Variants in RNF152 observed in about 807,000 individuals in gnomAD.
RNF152 encodes the protein E3 ubiquitin-protein ligase RNF152.
A neutral mutation model predicts 12.7 loss-of-function variants in RNF152; 11 were observed. The observed-to-expected ratio is 0.86, with a 90% CI of 0.54 to 1.43. The LOEUF (loss-of-function observed/expected upper bound fraction) is 1.43. Among genes scored for constraint, RNF152 ranks in the 40% most tolerant of loss-of-function variants. RNF152 has a pLI of 0.00. For synonymous variants in RNF152, 113 were observed against 120.3 expected (o/e 0.94, Z 0.40); for missense variants, 255 against 274.8 (o/e 0.93, Z 0.51).
chr18:61,837,053 G>A (rs1285882139), intron 1 of RNF152, among the ~76,000 whole-genome samples: 2 of 152,138 alleles, frequency 1.3e-5, no homozygotes, highest in Non-Finnish European at 2.9e-5. Flanking sequence ...TAATGGAAGA[G>A]CTGACATCAT....
Position 61,816,251 on chromosome 18 carries a change from G to T in RNF152, c.213C>A (p.Asp71Glu). The T allele has an allele frequency of 6.2e-7, 1 of 1,614,230 alleles. No individual in the cohort carries two copies. The highest frequency in any genetic ancestry group is 1.1e-5 in the South Asian group (1 of 91,082). Residue 71 changes from aspartate (D) to glutamate (E), a missense_variant, in exon 2 of 2, where the codon GAC (aspartate) becomes GAA (glutamate). Transcript: ENST00000312828. Reference sequence around the variant, plus strand: ...CGATGACAGCCAGGACCTCCGGGTCGTCCGGGAGCTGCGACACGGAGAAGC... The same window carrying T: ...CGATGACAGCCAGGACCTCCGGGTCTTCCGGGAGCTGCGACACGGAGAAGC... ...PPGFSVSQLP[D>E]DPEVLAVIAI...
chr18:61,820,355 A>AG (rs1909339924), intron 1 of RNF152, among the ~76,000 whole-genome samples: 1 of 150,860 alleles, frequency 6.6e-6, no homozygotes, highest in African/African-American at 2.4e-5. Context: ...AAAAAAAAAA[A>AG]AAAAGAGTAG....
intron 1 of RNF152, among the ~76,000 whole-genome samples, chr18:61,844,077 G>GGAAAGAAAGAACGAAA (rs1555702294): frequency 1.5e-5 from 1 of 68,414 alleles, no homozygotes; most frequent in African/African-American, 5.0e-5. Flanking sequence ...CAGAAAGAAA[G>GGAAAGAAAGAACGAAA]GAAAGAAAGA....
rs542692277 is a variant in RNF152 at position 61,840,260 on chromosome 18, T to A, written c.-135-23662A>T. Among the ~76,000 whole-genome samples, 101 of 152,318 alleles carry A rather than the reference T, an allele frequency of 6.6e-4. 1 individual carries two copies. Among genetic ancestry groups the A allele is most frequent in the African/African-American group, 2.2e-3 (93 of 41,584 alleles). ...AGCCCCCAGAACTGTGAGAAATAAG[T>A]TTCTGTTGTTTATAAGCCACCCAGT... On this transcript the variant is annotated intron_variant, in intron 1 of 1. Transcript: ENST00000312828.
At chr18:61,884,504 G>T (rs75655734) in intron 1 of RNF152, among the ~76,000 whole-genome samples, 211 of 151,566 alleles carry the variant, frequency 1.4e-3, no homozygotes, top group African/African-American at 4.3e-3. Flanking sequence ...CAGGAAGCTA[G>T]AAGGCAGGGA....
In RNF152 at chr18:61,812,855, A is replaced by T. The variant is rs1908869608; in HGVS notation, c.*2997T>A. The stretch of plus-strand genomic sequence containing the variant: ...CTAACTAAAATGAGTACATAAACCT[A>T]CAAAAAAAATTCTTTAAAGCAATAG... On this transcript the variant is annotated 3_prime_UTR_variant, in exon 2 of 2. Coordinates refer to ENST00000312828, the MANE Select transcript of RNF152 (RefSeq NM_173557.3). 7.1e-6 allele frequency: 1 copy of T among 141,170 alleles called. No homozygotes were observed. The highest frequency in any genetic ancestry group is 2.7e-5 in the African/African-American group (1 of 36,894). 8.7% of individuals were successfully genotyped at this position (141,170 alleles called of 1,614,324 possible). A position where few individuals can be genotyped will look rare whatever the true frequency, so the allele number is the denominator to read the frequency against.
intron 1 of RNF152, among the ~76,000 whole-genome samples, chr18:61,841,948 G>A (rs1359965895): frequency 6.6e-6 from 1 of 152,148 alleles, no homozygotes; most frequent in Admixed American, 6.5e-5. Context: ...TTGACAATAC[G>A]TAACAAATGG....
chr18:61,851,943 T>G (rs1911002719), intron 1 of RNF152, among the ~76,000 whole-genome samples: 2 of 152,180 alleles, frequency 1.3e-5, no homozygotes, highest in Non-Finnish European at 2.9e-5. Flanking sequence ...CACAGTACCT[T>G]GTGGCTCATT....
At chr18:61,893,683 A>C (rs75685189), upstream of RNF152, 6,397 of 152,540 alleles carry the variant, frequency 0.042, 467 homozygotes, top group African/African-American at 0.15. Flanking sequence ...GGCGCGAGAC[A>C]AGGGGACCGG....
chr18:61,824,304 C>A (rs1414864673), intron 1 of RNF152, among the ~76,000 whole-genome samples: 1 of 152,240 alleles, frequency 6.6e-6, no homozygotes, highest in East Asian at 1.9e-4. Context: ...AATGAGGACT[C>A]TGGATTAGAT....
intron 1 of RNF152, among the ~76,000 whole-genome samples, chr18:61,835,389 G>A (rs559056381): frequency 8.4e-4 from 128 of 152,220 alleles, no homozygotes; most frequent in African/African-American, 1.2e-3. Flanking sequence ...ATATTGTTAC[G>A]TGAAAGAGTT....
intron 1 of RNF152, among the ~76,000 whole-genome samples, chr18:61,821,539 A>C (rs1909409836): frequency 6.6e-6 from 1 of 152,228 alleles, no homozygotes; most frequent in South Asian, 2.1e-4. Flanking sequence ...CTATAGAAGA[A>C]AGAATGGAAA....
intron 1 of RNF152, among the ~76,000 whole-genome samples, chr18:61,861,077 T>C (rs1336353517): frequency 6.6e-6 from 1 of 152,214 alleles, no homozygotes; most frequent in African/African-American, 2.4e-5. Context: ...AGTTAAAAAG[T>C]TACAGTAAGC....
intron 1 of RNF152, among the ~76,000 whole-genome samples, chr18:61,839,759 G>A (rs1910365315): frequency 6.6e-6 from 1 of 152,276 alleles, no homozygotes; most frequent in African/African-American, 2.4e-5. Flanking sequence ...GCTGGGCGTG[G>A]TGGTGGGTGC....
chr18:61,827,960 T>C (rs1251734790), intron 1 of RNF152, among the ~76,000 whole-genome samples: 1 of 152,248 alleles, frequency 6.6e-6, no homozygotes, highest in African/African-American at 2.4e-5. Flanking sequence ...CCACCTTTTC[T>C]AACCTAACAA....
intron 1 of RNF152, among the ~76,000 whole-genome samples, chr18:61,848,266 C>T (rs1024640702): frequency 6.6e-6 from 1 of 152,144 alleles, no homozygotes; most frequent in African/African-American, 2.4e-5. Context: ...CTCTGACCCA[C>T]CACAACAGCT....
At chr18:61,824,330 C>G (rs1909558544) in intron 1 of RNF152, among the ~76,000 whole-genome samples, 1 of 152,220 alleles carries the variant, frequency 6.6e-6, no homozygotes, top group Non-Finnish European at 1.5e-5. Flanking sequence ...CCTAAAGCAC[C>G]TTCTAGTAAA....
chr18:61,829,588 G>A (rs1454713586), intron 1 of RNF152, among the ~76,000 whole-genome samples: 4 of 122,114 alleles, frequency 3.3e-5, no homozygotes, highest in Admixed American at 8.3e-5. Flanking sequence ...GAGAGAGAGA[G>A]AGAGATAAGG....
Position 61,814,099 on chromosome 18 carries a change from T to G in RNF152, c.*1753A>C, listed in dbSNP as rs1056694803. 2.0e-5 allele frequency: 3 copies of G among 152,252 alleles called. No homozygotes were observed. The highest frequency in any genetic ancestry group is 7.2e-5 in the African/African-American group (3 of 41,476). 9.4% of individuals were successfully genotyped at this position (152,252 alleles called of 1,614,324 possible). On this transcript the variant is annotated 3_prime_UTR_variant, in exon 2 of 2. Coordinates refer to ENST00000312828, the MANE Select transcript of RNF152 (RefSeq NM_173557.3). ...AAAAATCAGAGCTCACAATTTTATG[T>G]TGAATTCTCATGCCAATTAGCAGTA...
Sources: gnomAD v4.1 joint callset for allele counts (sites outside exome capture counted in the v4.1 genomes callset) on GRCh38, gnomAD v4.1.1 for gene constraint, MANE v1.5 for transcripts, NCBI Gene and HGNC (gene_info 2026-07-23, HGNC 2026-07-21) for gene names.